The following SORBS2 variants were observed in gnomAD, a reference collection of about 807,000 sequenced individuals.
The protein encoded by SORBS2 is sorbin and SH3 domain-containing protein 2.
SORBS2 carries 46 observed loss-of-function variants against 97.7 expected under a neutral mutation model. The observed-to-expected ratio is 0.47, with a 90% CI of 0.37 to 0.60. SORBS2 has a LOEUF of 0.60. SORBS2 is among the 20% of genes least tolerant of loss of function. The probability of loss-of-function intolerance (pLI) is 0.00; values close to 1 mark genes in which losing one functional copy is unlikely to be tolerated. For missense variants in SORBS2, 1,316 were observed against 1,282.3 expected, an observed-to-expected ratio of 1.03 and a Z score of -0.40; for synonymous variants, 476 against 473.4, an observed-to-expected ratio of 1.01 and a Z score of -0.07.
chr4:185,621,609 GC>G (rs1404704938), intron 7 of SORBS2, among the ~76,000 whole-genome samples: 21 of 149,150 alleles, frequency 1.4e-4, no homozygotes, highest in South Asian at 2.1e-4. Context: ...TGTTGCTTCA[GC>G]CTAAGGGTAG....
intron 1 of SORBS2, among the ~76,000 whole-genome samples, chr4:185,887,164 C>T (rs2099240104): frequency 6.6e-6 from 1 of 152,146 alleles, no homozygotes. Flanking sequence ...ATAAACTTGG[C>T]TGTTGAGTGA....
chr4:185,704,713 T>TGGC (rs2098317112), intron 2 of SORBS2, among the ~76,000 whole-genome samples: 1 of 151,526 alleles, frequency 6.6e-6, no homozygotes, highest in African/African-American at 2.5e-5. Flanking sequence ...CAACTCTCCA[T>TGGC]GTTTTGAGAA....
rs181385103 is a variant in SORBS2, at chr4:185,690,930, G to A, written c.-197-12108C>T. Among the ~76,000 whole-genome samples, 34 of 150,302 alleles carry A rather than the reference G, an allele frequency of 2.3e-4. No homozygotes were observed. In the East Asian group the frequency reaches 6.7e-3, roughly 29 times the overall value. On this transcript the variant is annotated intron_variant, in intron 2 of 20. Coordinates refer to the SORBS2 transcript ENST00000284776. ...TCTTTTTTTTTTTGAGACAGAGTCCGCCACTGTCGCCCAGGCCACAGTGTA... is the reference window on the plus strand; with the variant it reads ...TCTTTTTTTTTTTGAGACAGAGTCCACCACTGTCGCCCAGGCCACAGTGTA...
intron 1 of SORBS2, among the ~76,000 whole-genome samples, chr4:185,880,189 C>T (rs1336200857): frequency 6.6e-6 from 1 of 152,214 alleles, no homozygotes. Flanking sequence ...CTGAATCTCT[C>T]AGAGCCGTCT....
At chr4:185,796,252 T>A (rs1374919776) in intron 1 of SORBS2, among the ~76,000 whole-genome samples, 6 of 152,192 alleles carry the variant, frequency 3.9e-5, no homozygotes, top group Admixed American at 3.9e-4. Flanking sequence ...TCAGTGGTGC[T>A]CTCACAACAG....
At chr4:185,688,562 T>G (rs553050527) in intron 2 of SORBS2, among the ~76,000 whole-genome samples, 3 of 152,146 alleles carry the variant, frequency 2.0e-5, no homozygotes, top group Admixed American at 6.5e-5. Flanking sequence ...CTAGAAGCTA[T>G]TTTGGGGATG....
At chr4:185,721,337 A>G (rs2098512912) in intron 2 of SORBS2, among the ~76,000 whole-genome samples, 1 of 152,134 alleles carries the variant, frequency 6.6e-6, no homozygotes, top group South Asian at 2.1e-4. Context: ...GGCCTCCCAA[A>G]GTGCTAGGAT....
At chr4:185,736,084 C>T (rs1356484932) in intron 2 of SORBS2, among the ~76,000 whole-genome samples, 1 of 152,212 alleles carries the variant, frequency 6.6e-6, no homozygotes, top group Non-Finnish European at 1.5e-5. Context: ...GGGGTCTCCC[C>T]ACAGACAGCC....
intron 2 of SORBS2, among the ~76,000 whole-genome samples, chr4:185,699,118 A>T (rs2098221480): frequency 6.6e-6 from 1 of 152,136 alleles, no homozygotes; most frequent in Admixed American, 6.5e-5. Context: ...TGTCAGAATT[A>T]TTACAAATTC....
intron 12 of SORBS2, among the ~76,000 whole-genome samples, chr4:185,601,153 C>T (rs923274945): frequency 1.3e-5 from 2 of 152,160 alleles, no homozygotes; most frequent in African/African-American, 4.8e-5. Flanking sequence ...AAATCCCCAG[C>T]CTCTCGGGAT....
intron 1 of SORBS2, among the ~76,000 whole-genome samples, chr4:185,883,719 G>A (rs1040726418): frequency 6.6e-6 from 1 of 152,194 alleles, no homozygotes; most frequent in Admixed American, 6.5e-5. Flanking sequence ...GGGTGTGGTG[G>A]CATGTGCCTG....
chr4:185,817,779 A>G (rs2099194182), intron 1 of SORBS2, among the ~76,000 whole-genome samples: 1 of 152,254 alleles, frequency 6.6e-6, no homozygotes, highest in Admixed American at 6.5e-5. Flanking sequence ...CAGCTTCCGT[A>G]AACTCTGAAG....
chr4:185,677,044 GTC>G (rs2097796859), intron 4 of SORBS2: 4 of 1,551,340 alleles, frequency 2.6e-6, no homozygotes, highest in Non-Finnish European at 3.5e-6. Flanking sequence ...GCAGATTTTT[GTC>G]TCTCTTGCTG....
chr4:185,662,476 GA>G (rs1166767372), intron 4 of SORBS2, among the ~76,000 whole-genome samples: 6 of 152,214 alleles, frequency 3.9e-5, no homozygotes. Context: ...TGGTTAGGAA[GA>G]ATGAAAGTGG....
At chr4:185,660,632 A>T (rs950655587), upstream of SORBS2, among the ~76,000 whole-genome samples, 20 of 152,226 alleles carry the variant, frequency 1.3e-4, no homozygotes, top group Admixed American at 2.6e-4. Flanking sequence ...GGATGGTGAC[A>T]TAAAACATCC....
At chr4:185,638,831 G>A (rs1415449398) in intron 4 of SORBS2, 46 bp downstream of exon 14, 6 of 1,413,370 alleles carry the variant, frequency 4.2e-6, no homozygotes, top group Non-Finnish European at 5.5e-6. Context: ...GGCTGCACCT[G>A]CACCTCTGCC....
chr4:185,737,770 C>G lies in SORBS2; in HGVS notation c.-198+37457G>C, dbSNP rs572569185. On this transcript the variant is annotated intron_variant, in intron 2 of 20. Transcript: ENST00000284776. ...CACGAAGTCAGGGTCTGTCCACCGT[C>G]TAAAGATCGAGACCTCATGTTGAGT... 3.8e-4 allele frequency among the ~76,000 whole-genome samples: 58 copies of G among 152,300 alleles called. 1 individual carries two copies. In the South Asian group the frequency reaches 0.012, roughly 31 times the overall value.
intron 5 of SORBS2, among the ~76,000 whole-genome samples, chr4:185,628,590 G>C (rs2096856101): frequency 6.6e-6 from 1 of 152,134 alleles, no homozygotes; most frequent in East Asian, 1.9e-4. Flanking sequence ...TGTCTCTACA[G>C]AAAATAAAAA....
In SORBS2 at chr4:185,760,484, AC is replaced by A. The variant is rs1446386641; in HGVS notation, c.-198+14742del. Among the ~76,000 whole-genome samples, 10 of 152,306 alleles carry A rather than the reference AC, an allele frequency of 6.6e-5. No homozygotes were observed. In the East Asian group the frequency reaches 1.2e-3, roughly 18 times the overall value. On this transcript the variant is annotated intron_variant, in intron 2 of 20. Transcript: ENST00000284776. ...AGACTGAGGCAGGAGAACCACTTGA[AC>A]CTGGGAGGCGGAGATTGCAGTGAGC...
Sources: allele counts gnomAD v4.1 joint callset (sites outside exome capture counted in the v4.1 genomes callset), GRCh38; gene constraint gnomAD v4.1.1; transcripts MANE v1.5; gene names NCBI Gene and HGNC (gene_info 2026-07-23, HGNC 2026-07-21).